STS: variants seen among roughly 807,000 people sequenced by gnomAD.
STS encodes the protein steryl-sulfatase.
A neutral mutation model predicts 26.8 loss-of-function variants in STS; 7 were observed. That is an observed-to-expected ratio of 0.26 (90% confidence interval 0.15 to 0.49). The LOEUF (loss-of-function observed/expected upper bound fraction) is 0.49. Ranked by LOEUF, STS falls within the 20% of genes least tolerant of loss-of-function variation. The probability of loss-of-function intolerance (pLI) is 0.98; values close to 1 mark genes in which losing one functional copy is unlikely to be tolerated. For synonymous variants in STS, 199 were observed against 189.4 expected (o/e 1.05, Z -0.42); for missense variants, 434 against 465.6 (o/e 0.93, Z 0.63).
At chrX:7,285,020 G>A (rs1925059815) in intron 7 of STS, among the ~76,000 whole-genome samples, 1 of 110,766 alleles carries the variant, frequency 9.0e-6, no homozygotes, top group African/African-American at 3.3e-5. Flanking sequence ...TATGATGATG[G>A]CGATGCTGAT....
rs147789328 is a variant in STS at position 7,325,469 on chromosome X, G to C, written c.1212G>C (p.Lys404Asn). The change falls in exon 9 of 11, where the codon AAG (lysine) becomes AAC (asparagine). Residue 404 changes from lysine to asparagine, a missense_variant. By Grantham distance (94) the Lys-to-Asn change is moderately conservative. Around this residue, in one of 2 missense-constraint regions of STS, gnomAD observed 205 missense variants for 177.3 expected, o/e 1.16. Coordinates refer to ENST00000674429, the MANE Select transcript of STS (RefSeq NM_001320752.2). ...SNMDIFPTVA[K>N]LAGAPLPEDR... is the part of the protein sequence containing the mutation. ...TGGACATATTTCCTACAGTAGCCAAGCTGGCTGGAGCTCCCTTGCCTGAGG... is the reference window on the plus strand; with the variant it reads ...TGGACATATTTCCTACAGTAGCCAACCTGGCTGGAGCTCCCTTGCCTGAGG... 311 of 1,209,540 alleles carry C rather than the reference G, an allele frequency of 2.6e-4. 1 individual carries two copies. In the African/African-American group the frequency reaches 4.2e-3, roughly 16 times the overall value.
At chrX:7,253,843 G>A (rs1198901136) in intron 3 of STS, among the ~76,000 whole-genome samples, 1 of 111,997 alleles carries the variant, frequency 8.9e-6, no homozygotes, top group African/African-American at 3.3e-5. Context: ...ATGACAAAAT[G>A]CCATAGGCTG....
In STS at chrX:7,204,372, C is replaced by CATATTTG. The variant is rs1169062058; in HGVS notation, c.-5+13365_-5+13371dup. On this transcript the variant is annotated intron_variant, in intron 2 of 10. Transcript: ENST00000674429. Reference sequence around the variant, plus strand: ...TTTCCTGGTGAGGTTGAACATTTTCCATATTTGTATTAATTTACAATTGTT... The same window carrying CATATTTG: ...TTTCCTGGTGAGGTTGAACATTTTCCATATTTGATATTTGTATTAATTTACAATTGTT... Among the ~76,000 whole-genome samples the CATATTTG allele has an allele frequency of 2.7e-5, 3 of 111,183 alleles. No individual in the cohort carries two copies. In the East Asian group the frequency reaches 8.5e-4, roughly 31 times the overall value.
At chrX:7,249,270 G>A (rs1923028605) in intron 2 of STS, among the ~76,000 whole-genome samples, 1 of 110,996 alleles carries the variant, frequency 9.0e-6, no homozygotes. Flanking sequence ...AAAAAGTGAA[G>A]TGTGCTTTTA....
chrX:7,315,426 G>A (rs1926669277), intron 8 of STS, among the ~76,000 whole-genome samples: 1 of 111,848 alleles, frequency 8.9e-6, no homozygotes, highest in Non-Finnish European at 1.9e-5. Context: ...TGTGGGGGCT[G>A]TATTAGTCAG....
chrX:7,344,771 G>T (rs1928449880), intron 10 of STS, among the ~76,000 whole-genome samples: 1 of 111,700 alleles, frequency 9.0e-6, no homozygotes, highest in South Asian at 3.8e-4. Context: ...TAGAAGCAGG[G>T]GCCGTAAGGG....
At chrX:7,281,358 T>G (rs1401764053) in intron 7 of STS, among the ~76,000 whole-genome samples, 12 of 111,726 alleles carry the variant, frequency 1.1e-4, no homozygotes, top group African/African-American at 3.9e-4. Flanking sequence ...GCATCCCCTG[T>G]TGGCTGAGCA....
At chrX:7,239,890 T>C (rs1414009021) in intron 2 of STS, among the ~76,000 whole-genome samples, 1 of 105,592 alleles carries the variant, frequency 9.5e-6, no homozygotes, top group Non-Finnish European at 1.9e-5. Flanking sequence ...GCTTTTTTTT[T>C]TTTTTTTTGA....
chrX:7,252,884 C>T (rs2270112), intron 2 of STS, among the ~76,000 whole-genome samples: 4 of 110,286 alleles, frequency 3.6e-5, no homozygotes, highest in Non-Finnish European at 7.6e-5. Flanking sequence ...CAGGCACAGT[C>T]GTTCAGGCCT....
At chrX:7,297,642 CT>C (rs1925732741) in intron 7 of STS, among the ~76,000 whole-genome samples, 1 of 111,715 alleles carries the variant, frequency 9.0e-6, no homozygotes, top group Non-Finnish European at 1.9e-5. Context: ...CATGTAGTGA[CT>C]AGTTGAATGG....
intron 6 of STS, among the ~76,000 whole-genome samples, chrX:7,269,492 A>G (rs1340041520): frequency 9.2e-6 from 1 of 109,117 alleles, no homozygotes; most frequent in Admixed American, 9.9e-5. Context: ...TGCCAGGTTG[A>G]GATAAGTTCT....
chrX:7,251,895 A>G (rs1406699108), intron 2 of STS, among the ~76,000 whole-genome samples: 1 of 111,242 alleles, frequency 9.0e-6, no homozygotes, highest in African/African-American at 3.3e-5. Context: ...CAGGAGTTGG[A>G]GGCTGCAGTG....
intron 3 of STS, among the ~76,000 whole-genome samples, chrX:7,255,502 T>C (rs1923363338): frequency 8.9e-6 from 1 of 112,224 alleles, no homozygotes; most frequent in Admixed American, 9.5e-5. Context: ...AAATCAAGCC[T>C]TTGAGGTTAA....
chrX:7,205,852 G>A (rs1934214452), intron 2 of STS, among the ~76,000 whole-genome samples: 1 of 108,908 alleles, frequency 9.2e-6, no homozygotes, highest in Admixed American at 9.8e-5. Context: ...CCAGGCTCAA[G>A]CAATCTTCCT....
chrX:7,332,035 T>A (rs1325690388), intron 9 of STS, among the ~76,000 whole-genome samples: 3 of 111,697 alleles, frequency 2.7e-5, no homozygotes, highest in African/African-American at 9.8e-5. Context: ...CTTGGAGTCT[T>A]ATTTTGTTTT....
At chrX:7,306,007 A>G (rs1203760779) in intron 8 of STS, among the ~76,000 whole-genome samples, 1 of 111,498 alleles carries the variant, frequency 9.0e-6, no homozygotes. Context: ...TTGAGCTAAC[A>G]CTTTTCAAAA....
chrX:7,157,229 A>G (rs1933153491), intron 1 of STS, among the ~76,000 whole-genome samples: 1 of 111,634 alleles, frequency 9.0e-6, no homozygotes, highest in African/African-American at 3.3e-5. Context: ...CAGGGCCCTA[A>G]TTATCAAGCC....
At chrX:7,325,582 G>A in intron 9 of STS, 84 bp downstream of exon 9, 1 of 1,100,450 alleles carries the variant, frequency 9.1e-7, no homozygotes, top group Non-Finnish European at 1.3e-6. Context: ...TAATGGTGTG[G>A]GGACCAAGGC....
chrX:7,279,250 G>A (rs1302266110), intron 7 of STS, among the ~76,000 whole-genome samples: 1 of 100,538 alleles, frequency 9.9e-6, no homozygotes, highest in African/African-American at 3.8e-5. Flanking sequence ...GTTGCAGTGA[G>A]CCGAGATCGC....
Sources: allele counts gnomAD v4.1 joint callset (sites outside exome capture counted in the v4.1 genomes callset), GRCh38; gene constraint gnomAD v4.1.1; regional missense constraint gnomAD v4.1.1; transcripts MANE v1.5; gene names NCBI Gene and HGNC (gene_info 2026-07-23, HGNC 2026-07-21).